ATF7: variants seen among roughly 807,000 people sequenced by gnomAD.
The protein encoded by ATF7 is cyclic AMP-dependent transcription factor ATF-7.
A neutral mutation model predicts 50.4 loss-of-function variants in ATF7; 10 were observed. The ratio of observed to expected loss-of-function variants is 0.20; its 90% CI spans 0.12 to 0.34. The LOEUF (loss-of-function observed/expected upper bound fraction) is 0.34. Among genes scored for constraint, ATF7 ranks in the 10% least tolerant of loss-of-function variants. The probability of loss-of-function intolerance (pLI) is 1.00; values close to 1 mark genes in which losing one functional copy is unlikely to be tolerated. For missense variants in ATF7, 465 were observed against 613.9 expected, an observed-to-expected ratio of 0.76 and a Z score of 2.56; for synonymous variants, 201 against 226.4, an observed-to-expected ratio of 0.89 and a Z score of 1.01.
intron 11 of ATF7, among the ~76,000 whole-genome samples, chr12:53,519,053 C>CAA (rs773430662): frequency 2.7e-5 from 2 of 73,388 alleles, no homozygotes; most frequent in South Asian, 4.4e-4. Context: ...GACTCCGTCT[C>CAA]AAAAAAAAAA....
chr12:53,574,780 A>G, intron 2 of ATF7: 2 of 218,432 alleles, frequency 9.2e-6, no homozygotes, highest in South Asian at 1.3e-4. Flanking sequence ...TATAACCAGT[A>G]AGCTTCAGTG....
chr12:53,534,791 C>T (rs1592808565), intron 5 of ATF7, 132 bp from the exon 6 acceptor site: 1 of 1,034,236 alleles, frequency 9.7e-7, no homozygotes, highest in East Asian at 2.8e-5. Context: ...GACCTGATTC[C>T]ATCAGGATCA....
At chr12:53,542,091 C>T (rs1473452463) in intron 4 of ATF7, among the ~76,000 whole-genome samples, 1 of 142,842 alleles carries the variant, frequency 7.0e-6, no homozygotes, top group Non-Finnish European at 1.5e-5. Flanking sequence ...CGGGTGTGAG[C>T]CACTGCGCCT....
intron 5 of ATF7, among the ~76,000 whole-genome samples, chr12:53,535,315 C>T (rs368059363): frequency 1.5e-4 from 18 of 119,496 alleles, no homozygotes; most frequent in African/African-American, 4.8e-4. Context: ...GGCGACAGAG[C>T]GAGACTCTGC....
intron 3 of ATF7, chr12:53,544,063 A>T (rs186424763): frequency 2.0e-5 from 3 of 152,774 alleles, no homozygotes; most frequent in Admixed American, 2.0e-4. Context: ...GAGCTGGAAA[A>T]GGAAACTGTA....
intron 5 of ATF7, among the ~76,000 whole-genome samples, chr12:53,535,059 G>A (rs1481155940): frequency 6.6e-6 from 1 of 152,160 alleles, no homozygotes; most frequent in African/African-American, 2.4e-5. Flanking sequence ...GGTAATGATG[G>A]TAATGAGGCA....
chr12:53,552,457 A>T, intron 3 of ATF7, 84 bp downstream of exon 3: 1 of 1,062,434 alleles, frequency 9.4e-7, no homozygotes, highest in Non-Finnish European at 1.4e-6. Flanking sequence ...GAAAGGGAGT[A>T]CAGCTCCCAG....
At chr12:53,542,975 T>C (rs1290330911) in intron 4 of ATF7, 1 of 1,163,212 alleles carries the variant, frequency 8.6e-7, no homozygotes, top group African/African-American at 1.6e-5. Flanking sequence ...AAGAGTGGAA[T>C]TTGGCAACAA....
chr12:53,582,212 C>T (rs149673378), intron 2 of ATF7, among the ~76,000 whole-genome samples: 1,625 of 151,494 alleles, frequency 0.011, 26 homozygotes, highest in African/African-American at 0.038. Context: ...GCCTGTAATC[C>T]CAGCTACTCA....
chr12:53,612,510 G>A (rs1443298724), intron 1 of ATF7, among the ~76,000 whole-genome samples: 1 of 152,076 alleles, frequency 6.6e-6, no homozygotes, highest in Non-Finnish European at 1.5e-5. Flanking sequence ...CTGACCTCGT[G>A]ATCCACCCGC....
At chr12:53,551,336 A>G (rs1035400006) in intron 3 of ATF7, among the ~76,000 whole-genome samples, 1 of 152,072 alleles carries the variant, frequency 6.6e-6, no homozygotes, top group Non-Finnish European at 1.5e-5. Flanking sequence ...ATTTTTAAAC[A>G]TTTTTTGTAG....
intron 11 of ATF7, among the ~76,000 whole-genome samples, chr12:53,518,767 C>T (rs189864896): frequency 2.6e-5 from 4 of 152,162 alleles, no homozygotes; most frequent in Admixed American, 6.5e-5. Flanking sequence ...CAAATATGGC[C>T]GGGCGCAGTG....
At chr12:53,591,647 A>G (rs1254126077) in intron 2 of ATF7, among the ~76,000 whole-genome samples, 1 of 152,180 alleles carries the variant, frequency 6.6e-6, no homozygotes, top group Non-Finnish European at 1.5e-5. Flanking sequence ...GGATTGAGCT[A>G]TTTTTCAGGA....
At chr12:53,542,820 C>T (rs1336809533) in intron 4 of ATF7, 1 of 629,148 alleles carries the variant, frequency 1.6e-6, no homozygotes, top group Non-Finnish European at 2.0e-6. Flanking sequence ...CCTTCTTTAT[C>T]TTTAATGCTT....
At chr12:53,509,239 A>G (rs1944082187), downstream of ATF7, among the ~76,000 whole-genome samples, 1 of 152,178 alleles carries the variant, frequency 6.6e-6, no homozygotes, top group African/African-American at 2.4e-5. Context: ...ACTTTTTGTA[A>G]TCCATTCAAT....
At chr12:53,529,889 C>T (rs1465804858) in intron 9 of ATF7, among the ~76,000 whole-genome samples, 1 of 149,250 alleles carries the variant, frequency 6.7e-6, no homozygotes, top group Non-Finnish European at 1.5e-5. Context: ...TACAGGCGTG[C>T]GCCACCACGC....
Position 53,514,462 on chromosome 12 carries a change from T to A in ATF7, c.*2675A>T, listed in dbSNP as rs960695889. On this transcript the variant is annotated 3_prime_UTR_variant, in exon 12 of 12. Coordinates refer to ENST00000420353, the MANE Select transcript of ATF7 (RefSeq NM_006856.3). ...CAAAGATTTGGGGAGAGTGACCACATGGCTGGTAGCAATAACAAGGTAAGT... is the reference window on the plus strand; with the variant it reads ...CAAAGATTTGGGGAGAGTGACCACAAGGCTGGTAGCAATAACAAGGTAAGT... The A allele has an allele frequency of 2.0e-5, 3 of 152,206 alleles. No individual in the cohort carries two copies. Among genetic ancestry groups the A allele is most frequent in the Non-Finnish European group, 2.9e-5 (2 of 68,044 alleles). 9.4% of individuals were successfully genotyped at this position (152,206 alleles called of 1,614,324 possible).
At chr12:53,598,361 T>C (rs573515276) in intron 2 of ATF7, among the ~76,000 whole-genome samples, 81 of 152,302 alleles carry the variant, frequency 5.3e-4, no homozygotes, top group African/African-American at 1.9e-3. Flanking sequence ...TACCTTTGTA[T>C]CCTTTTTCTA....
At chr12:53,606,810 G>A (rs1280711007) in intron 1 of ATF7, among the ~76,000 whole-genome samples, 11 of 147,356 alleles carry the variant, frequency 7.5e-5, no homozygotes, top group Middle Eastern at 3.6e-3. Flanking sequence ...GAGAACATGC[G>A]GTGTTTGGTT....
Sources: gnomAD v4.1 joint callset for allele counts (sites outside exome capture counted in the v4.1 genomes callset) on GRCh38, gnomAD v4.1.1 for gene constraint, MANE v1.5 for transcripts, NCBI Gene and HGNC (gene_info 2026-07-23, HGNC 2026-07-21) for gene names.